The following LRP1B variants were observed in gnomAD, a reference collection of about 807,000 sequenced individuals.
LRP1B encodes LDL receptor related protein 1B, also known as low-density lipoprotein receptor-related protein 1B.
Under a neutral mutation model 556.6 loss-of-function variants are expected in LRP1B, and 217 were observed. That is an observed-to-expected ratio of 0.39 (90% CI 0.35 to 0.44). The LOEUF (loss-of-function observed/expected upper bound fraction) is 0.44, where lower values mean the gene tolerates loss of function less well. Among genes scored for constraint, LRP1B ranks in the 20% least tolerant of loss-of-function variants. LRP1B has a pLI of 1.00. For missense variants in LRP1B, 5,053 were observed against 5,620.8 expected, an observed-to-expected ratio of 0.90 and a Z score of 3.23; for synonymous variants, 2,047 against 1,865.8, an observed-to-expected ratio of 1.10 and a Z score of -2.50.
At chr2:141,609,722 T>A (rs1201681170) in intron 2 of LRP1B, among the ~76,000 whole-genome samples, 1 of 152,186 alleles carries the variant, frequency 6.6e-6, no homozygotes, top group Non-Finnish European at 1.5e-5. Flanking sequence ...ACTCCTTTTT[T>A]CCTCTAATGG....
At chr2:141,047,893 G>A (rs968957193) in intron 11 of LRP1B, among the ~76,000 whole-genome samples, 18 of 152,120 alleles carry the variant, frequency 1.2e-4, no homozygotes, top group African/African-American at 3.6e-4. Flanking sequence ...ATCTCCTGCC[G>A]AAGGAGTTAT....
chr2:141,745,140 G>T (rs1029715082), intron 2 of LRP1B, among the ~76,000 whole-genome samples: 1 of 152,138 alleles, frequency 6.6e-6, no homozygotes, highest in Non-Finnish European at 1.5e-5. Context: ...AGTCTGACCT[G>T]AAGCCAGTAT....
Position 140,386,029 on chromosome 2 carries a change from A to G in LRP1B, c.10415-20T>C, listed in dbSNP as rs772587211. ...TTTTATCTGTAATGGAAAGAACCAG[A>G]GTTTGCATTGTAGATTTCCATGAAG... On this transcript the variant is annotated intron_variant, in intron 66 of 90. Coordinates refer to ENST00000389484, the MANE Select transcript of LRP1B (RefSeq NM_018557.3). 39 of 1,460,100 alleles carry G rather than the reference A, an allele frequency of 2.7e-5. 1 individual carries two copies. In the South Asian group the frequency reaches 4.5e-4, roughly 17 times the overall value. The allele number at this position is 1,460,100 out of a possible 1,614,324, so 90.4% of individuals were successfully genotyped here.
intron 86 of LRP1B, among the ~76,000 whole-genome samples, chr2:140,258,308 TA>T (rs5834729): frequency 8.7e-4 from 128 of 147,810 alleles, no homozygotes; most frequent in Middle Eastern, 7.0e-3. Flanking sequence ...CCTTCTGCCT[TA>T]AAAAAAAAAA....
At chr2:141,441,082 T>C (rs1376617956) in intron 3 of LRP1B, among the ~76,000 whole-genome samples, 1 of 152,052 alleles carries the variant, frequency 6.6e-6, no homozygotes, top group Non-Finnish European at 1.5e-5. Context: ...TATTTTTTAT[T>C]TTATTTTTTT....
At position 141,554,925 on chromosome 2, in the gene LRP1B, T is replaced by C. The variant is rs573217063; in HGVS notation, c.206-74392A>G. 4.6e-5 allele frequency among the ~76,000 whole-genome samples: 7 copies of C among 152,070 alleles called. No individual in the cohort carries two copies. The East Asian group carries it at 1.2e-3, about 25-fold the overall frequency. ...AGGTAAGACCAAAGACTCTGTGGTG[T>C]ATCAAGTTCTTCAGGTGATGTTAAT... On this transcript the variant is annotated intron_variant, in intron 2 of 90. Transcript: ENST00000389484.
intron 1 of LRP1B, among the ~76,000 whole-genome samples, chr2:141,811,227 G>A (rs995594632): frequency 2.6e-5 from 4 of 151,966 alleles, no homozygotes; most frequent in Non-Finnish European, 5.9e-5. Flanking sequence ...GTTTCTTACA[G>A]TCATGGTCTC....
intron 2 of LRP1B, among the ~76,000 whole-genome samples, chr2:141,783,180 T>G (rs1283971147): frequency 6.6e-6 from 1 of 152,008 alleles, no homozygotes; most frequent in Non-Finnish European, 1.5e-5. Flanking sequence ...CACAGATAAT[T>G]TACCGTATCC....
Position 141,256,394 on chromosome 2 carries a change from A to G in LRP1B, c.344-1753T>C, listed in dbSNP as rs146141768. On this transcript the variant is annotated intron_variant, in intron 3 of 90. Transcript: ENST00000389484. The stretch of plus-strand genomic sequence containing the variant: ...AGTTAAAAAAAAAAATGAGAGCGAG[A>G]CTGGAATTGCTGTTTGGAGCCAGGT... 7.5e-3 allele frequency among the ~76,000 whole-genome samples: 1,146 copies of G among 151,972 alleles called. 13 individuals are homozygous for G. Among genetic ancestry groups the G allele is most frequent in the African/African-American group, 0.027 (1,107 of 41,494 alleles).
intron 1 of LRP1B, among the ~76,000 whole-genome samples, chr2:142,080,900 T>C (rs987998794): frequency 1.3e-5 from 2 of 149,652 alleles, no homozygotes; most frequent in Non-Finnish European, 3.0e-5. Flanking sequence ...GCTAGTGCCT[T>C]TCCTAGCTTA....
chr2:140,285,400 CAGAG>C (rs140170642), intron 84 of LRP1B, among the ~76,000 whole-genome samples: 5,785 of 150,324 alleles, frequency 0.038, 117 homozygotes, highest in South Asian at 0.086. Context: ...TATATACACA[CAGAG>C]AGAGAGATAT....
chr2:141,279,762 C>T (rs1685441827), intron 3 of LRP1B, among the ~76,000 whole-genome samples: 2 of 152,026 alleles, frequency 1.3e-5, no homozygotes, highest in African/African-American at 2.4e-5. Context: ...TCAATCTGAG[C>T]AGCACTAATT....
At chr2:141,457,841 C>A (rs1681690264) in intron 3 of LRP1B, among the ~76,000 whole-genome samples, 1 of 152,066 alleles carries the variant, frequency 6.6e-6, no homozygotes, top group African/African-American at 2.4e-5. Context: ...AGAAGCACTT[C>A]CTGTTTCTTG....
intron 41 of LRP1B, among the ~76,000 whole-genome samples, chr2:140,641,219 T>C (rs576059173): frequency 6.6e-6 from 1 of 152,320 alleles, no homozygotes; most frequent in Non-Finnish European, 1.5e-5. Context: ...CTTGGAACAA[T>C]GACTGATAGT....
intron 1 of LRP1B, among the ~76,000 whole-genome samples, chr2:141,961,067 T>C (rs1173611186): frequency 1.3e-5 from 2 of 151,740 alleles, no homozygotes; most frequent in African/African-American, 2.4e-5. Context: ...ATTTAGTTAC[T>C]TCATGATGTA....
chr2:140,796,053 A>T (rs753786387), intron 32 of LRP1B, among the ~76,000 whole-genome samples: 1 of 151,034 alleles, frequency 6.6e-6, no homozygotes, highest in Non-Finnish European at 1.5e-5. Context: ...TCCCTGCTCT[A>T]TATCTATCTA....
At chr2:141,753,559 G>A (rs1489180808) in intron 2 of LRP1B, among the ~76,000 whole-genome samples, 1 of 151,706 alleles carries the variant, frequency 6.6e-6, no homozygotes, top group African/African-American at 2.4e-5. Context: ...TTCTTTGTAC[G>A]AATGGAATGC....
intron 41 of LRP1B, among the ~76,000 whole-genome samples, chr2:140,633,108 A>G (rs1683949775): frequency 6.6e-6 from 1 of 151,758 alleles, no homozygotes; most frequent in South Asian, 2.1e-4. Context: ...CCCACATTAA[A>G]TATAAAAACA....
In LRP1B at chr2:140,850,114, C is replaced by T. The variant is rs1692411888; in HGVS notation, c.4927G>A (p.Val1643Ile). 1 of 1,602,378 alleles carries T rather than the reference C, an allele frequency of 6.2e-7. No homozygotes were observed. The change falls in exon 29 of 91, where the codon GTT (valine) becomes ATT (isoleucine). Residue 1643 changes from valine to isoleucine, a missense_variant. By Grantham distance (29) the Val-to-Ile change is conservative (BLOSUM62 3). Transcript: ENST00000389484. ...AFINGTGLET[V>I]ISRDIQSIRG... is the part of the protein sequence containing the mutation. ...ACGAATCTTTTACCTCTTGAAATAACAGTTTCTAACCCAGTTCCGTTAATA... is the reference window on the plus strand; with the variant it reads ...ACGAATCTTTTACCTCTTGAAATAATAGTTTCTAACCCAGTTCCGTTAATA...
Sources: allele counts gnomAD v4.1 joint callset (sites outside exome capture counted in the v4.1 genomes callset), GRCh38; gene constraint gnomAD v4.1.1; transcripts MANE v1.5; gene names NCBI Gene and HGNC (gene_info 2026-07-23, HGNC 2026-07-21).